The following NR2C2 variants were observed in gnomAD, a reference collection of about 807,000 sequenced individuals.
NR2C2 encodes the protein nuclear receptor subfamily 2 group C member 2, also known as Nuclear hormone receptor TR4.
In NR2C2, 6 loss-of-function variants were observed where a neutral mutation model predicts 62.9. The ratio of observed to expected loss-of-function variants is 0.10; its 90% CI spans 0.05 to 0.19. The LOEUF is 0.19. Ranked by LOEUF, NR2C2 falls within the 10% of genes least tolerant of loss-of-function variation. NR2C2 has a pLI of 1.00. For synonymous variants in NR2C2, 272 were observed against 273.8 expected (o/e 0.99, Z 0.07); for missense variants, 479 against 762.7 (o/e 0.63, Z 4.38).
intron 1 of NR2C2, among the ~76,000 whole-genome samples, chr3:14,986,285 A>G (rs2040512392): frequency 6.6e-6 from 1 of 152,206 alleles, no homozygotes; most frequent in Admixed American, 6.5e-5. Context: ...GCTTAGGAAT[A>G]ACTACCAAAG....
chr3:15,037,209 T>TTTTGTGTGTGTG lies in NR2C2; in HGVS notation c.1373-790_1373-789insTTGTGTGTGTGT, dbSNP rs776536753. Among the ~76,000 whole-genome samples the TTTTGTGTGTGTG allele has an allele frequency of 9.8e-4, 128 of 130,296 alleles. No homozygotes were observed. The Middle Eastern group carries it at 0.012, about 12-fold the overall frequency. 85.5% of individuals were successfully genotyped at this position (130,296 alleles called of 152,430 possible). ...TTTTTGTTGTGTTATTGTTTTTTGTTTGTGTGTGTGTGTGTGTGTGTGTGT... is the reference window on the plus strand; with the variant it reads ...TTTTTGTTGTGTTATTGTTTTTTGTTTTTGTGTGTGTGTGTGTGTGTGTGTGTGTGTGTGTGT... On this transcript the variant is annotated intron_variant, in intron 11 of 13. Coordinates refer to ENST00000425241, the MANE Select transcript of NR2C2 (RefSeq NM_001291694.2).
intron 10 of NR2C2, among the ~76,000 whole-genome samples, 165 bp downstream of exon 10, chr3:15,032,665 T>C (rs1344946407): frequency 1.3e-5 from 2 of 152,142 alleles, no homozygotes; most frequent in East Asian, 3.9e-4. Context: ...GGTAGCAGGA[T>C]TACCAGTTGC....
intron 1 of NR2C2, among the ~76,000 whole-genome samples, chr3:14,972,616 C>A (rs1378976181): frequency 1.3e-5 from 2 of 152,046 alleles, no homozygotes; most frequent in African/African-American, 4.8e-5. Flanking sequence ...GATATTAAGC[C>A]CTTATTAGAT....
At chr3:15,008,018 A>G (rs1350213204) in intron 2 of NR2C2, among the ~76,000 whole-genome samples, 1 of 152,170 alleles carries the variant, frequency 6.6e-6, no homozygotes, top group Non-Finnish European at 1.5e-5. Flanking sequence ...AGAGGTGGCA[A>G]GGTGGATAGG....
intron 10 of NR2C2, among the ~76,000 whole-genome samples, 157 bp downstream of exon 10, chr3:15,032,657 TAGC>T (rs753231867): frequency 5.3e-5 from 8 of 152,168 alleles, no homozygotes; most frequent in Admixed American, 3.3e-4. Flanking sequence ...AGTGGACTGG[TAGC>T]AGGATTACCA....
At chr3:14,956,325 G>A (rs1434832569) in intron 1 of NR2C2, among the ~76,000 whole-genome samples, 1 of 152,074 alleles carries the variant, frequency 6.6e-6, no homozygotes, top group East Asian at 1.9e-4. Flanking sequence ...CCATGAATAT[G>A]AACAGACTTC....
intron 1 of NR2C2, among the ~76,000 whole-genome samples, chr3:14,997,510 A>G (rs1165537759): frequency 3.3e-5 from 5 of 152,220 alleles, no homozygotes; most frequent in Admixed American, 3.3e-4. Flanking sequence ...TTTCAGTTAT[A>G]AATAAACAGA....
chr3:15,035,933 C>T (rs1187482737), intron 11 of NR2C2, among the ~76,000 whole-genome samples: 2 of 152,310 alleles, frequency 1.3e-5, no homozygotes, highest in Admixed American at 6.5e-5. Flanking sequence ...GAAGCTGAGG[C>T]GGGAGAACCA....
intron 1 of NR2C2, among the ~76,000 whole-genome samples, chr3:14,949,459 C>G (rs1369552353): frequency 6.6e-6 from 1 of 152,194 alleles, no homozygotes; most frequent in Non-Finnish European, 1.5e-5. Flanking sequence ...TGTCCATTAT[C>G]CCACTTTGTT....
intron 4 of NR2C2, among the ~76,000 whole-genome samples, chr3:15,017,110 TTTTG>T (rs755860512): frequency 6.6e-6 from 1 of 152,114 alleles, no homozygotes; most frequent in South Asian, 2.1e-4. Flanking sequence ...TAGTCCTGGT[TTTTG>T]TTTGTTTTGT....
At chr3:15,037,207 GTT>G (rs111597805) in intron 11 of NR2C2, among the ~76,000 whole-genome samples, 51 of 131,210 alleles carry the variant, frequency 3.9e-4, no homozygotes, top group Non-Finnish European at 6.2e-4. Context: ...ATTGTTTTTT[GTT>G]TGTGTGTGTG....
Position 15,003,329 on chromosome 3 carries a change from C to A in NR2C2, c.-39-547C>A, listed in dbSNP as rs1180395140. 4.6e-5 allele frequency among the ~76,000 whole-genome samples: 7 copies of A among 152,096 alleles called. No individual in the cohort carries two copies. In the East Asian group the frequency reaches 1.3e-3, roughly 29 times the overall value. On this transcript the variant is annotated intron_variant, in intron 1 of 13. Coordinates refer to ENST00000425241, the MANE Select transcript of NR2C2 (RefSeq NM_001291694.2). ...GACCACTCAGCACCTTGTACCTTGC[C>A]TTTGGGATAGGTATTGACTAAATTT...
chr3:14,973,171 G>T (rs1020162866), intron 1 of NR2C2, among the ~76,000 whole-genome samples: 2 of 151,998 alleles, frequency 1.3e-5, no homozygotes, highest in Admixed American at 1.3e-4. Context: ...TTTGTTGCTT[G>T]TACTTTTAGT....
chr3:14,960,445 T>G (rs1044410813), intron 1 of NR2C2, among the ~76,000 whole-genome samples: 2 of 152,184 alleles, frequency 1.3e-5, no homozygotes, highest in Admixed American at 1.3e-4. Context: ...TTAAAGTGAA[T>G]TATTACAGAA....
chr3:15,043,928 G>A lies in NR2C2; in HGVS notation c.*920G>A, dbSNP rs533080690. 1 of 152,248 alleles carries A rather than the reference G, an allele frequency of 6.6e-6. No homozygotes were observed. Among genetic ancestry groups the A allele is most frequent in the African/African-American group, 2.4e-5 (1 of 41,462 alleles). The allele number at this position is 152,248 out of a possible 1,614,324, so 9.4% of individuals were successfully genotyped here. The stretch of plus-strand genomic sequence containing the variant: ...ACATCCGCCGCTCGTGGCAGATGGA[G>A]CCTTGTGACCAAAAAGTGCAAGGTG... On this transcript the variant is annotated 3_prime_UTR_variant, in exon 14 of 14. Coordinates refer to ENST00000425241, the MANE Select transcript of NR2C2 (RefSeq NM_001291694.2).
intron 2 of NR2C2, among the ~76,000 whole-genome samples, chr3:15,008,220 GTT>G (rs1304627266): frequency 2.6e-5 from 3 of 117,248 alleles, no homozygotes; most frequent in African/African-American, 9.3e-5. Context: ...TTGTTTGTTT[GTT>G]TTTTTTTTTA....
chr3:14,957,655 G>A (rs1055111654), intron 1 of NR2C2, among the ~76,000 whole-genome samples: 2 of 152,080 alleles, frequency 1.3e-5, no homozygotes, highest in Admixed American at 1.3e-4. Flanking sequence ...TTTATATACT[G>A]TGCCCTGTTG....
At position 15,028,711 on chromosome 3, in the gene NR2C2, G is replaced by A. The variant is rs369428786; in HGVS notation, c.924G>A (p.Glu308=). ...AGCCAGAGGACCAGTCTGCAAGTGA[G>A]ATAACTCGGTACGAGCCCATGAGGA... ...EIQPEDQSAS[E]ITRAFDTLAK... Residue 308 remains glutamate, a synonymous_variant, in exon 8 of 14, where the codon GAG becomes GAA. Transcript: ENST00000425241. 39 of 1,613,850 alleles carry A rather than the reference G, an allele frequency of 2.4e-5. No homozygotes were observed. Among genetic ancestry groups the A allele is most frequent in the Non-Finnish European group, 2.7e-5 (32 of 1,179,882 alleles).
At chr3:14,952,342 G>T (rs1328852041) in intron 1 of NR2C2, among the ~76,000 whole-genome samples, 2 of 152,218 alleles carry the variant, frequency 1.3e-5, no homozygotes, top group African/African-American at 4.8e-5. Context: ...CTAGCTGCCT[G>T]AGTGTCTCCA....
Sources: allele counts gnomAD v4.1 joint callset (sites outside exome capture counted in the v4.1 genomes callset), GRCh38; gene constraint gnomAD v4.1.1; transcripts MANE v1.5; gene names NCBI Gene and HGNC (gene_info 2026-07-23, HGNC 2026-07-21).